The following ANXA8 variants were observed in gnomAD, a reference collection of about 807,000 sequenced individuals.
The protein encoded by ANXA8 is annexin A8, also known as VAC-beta.
Under a neutral mutation model 26.8 loss-of-function variants are expected in ANXA8, and 9 were observed. That is an observed-to-expected ratio of 0.34 (90% CI 0.20 to 0.59). The LOEUF is 0.59. ANXA8 is among the 20% of genes least tolerant of loss of function. ANXA8 has a pLI of 0.84. For synonymous variants in ANXA8, 39 were observed against 94.8 expected, an observed-to-expected ratio of 0.41 and a Z score of 3.42; for missense variants, 83 against 238.5, an observed-to-expected ratio of 0.35 and a Z score of 4.29.
chr10:47,982,834 A>ATATATATATATATATATATATAT, the ANXA8 span, among the ~76,000 whole-genome samples: 9 of 67,598 alleles, frequency 1.3e-4, no homozygotes, highest in Non-Finnish European at 2.2e-4. Context: ...ATATATATAT[A>ATATATATATATATATATATATAT]AAATTTGATA....
At chr10:47,627,315 G>C in the ANXA8 span, among the ~76,000 whole-genome samples, 426 of 150,288 alleles carry the variant, frequency 2.8e-3, 45 homozygotes, top group African/African-American at 1.0e-2. Flanking sequence ...TGGCTACTTA[G>C]TCTTTCTGGC....
At chr10:47,939,116 G>A in the ANXA8 span, among the ~76,000 whole-genome samples, 3 of 145,514 alleles carry the variant, frequency 2.1e-5, no homozygotes, top group Admixed American at 1.4e-4. Flanking sequence ...TGCTGAAACT[G>A]CTCTGCATAA....
chr10:47,610,797 A>G, the ANXA8 span, among the ~76,000 whole-genome samples: 1 of 134,110 alleles, frequency 7.5e-6, no homozygotes, highest in African/African-American at 2.8e-5. Context: ...TCCTTTTCTT[A>G]GAGTTGCAAG....
At chr10:47,775,327 T>C in the ANXA8 span, among the ~76,000 whole-genome samples, 1 of 148,234 alleles carries the variant, frequency 6.7e-6, no homozygotes, top group Non-Finnish European at 1.5e-5. Context: ...GAGCCGAGAT[T>C]GCGCCACTGC....
the ANXA8 span, among the ~76,000 whole-genome samples, chr10:47,578,126 G>A: frequency 1.7e-5 from 1 of 60,072 alleles, no homozygotes; most frequent in African/African-American, 5.2e-5. Context: ...GACCAGCCTG[G>A]CCAATATGGT....
At chr10:47,750,865 C>T in the ANXA8 span, 3 of 151,806 alleles carry the variant, frequency 2.0e-5, no homozygotes, top group Non-Finnish European at 4.4e-5. Flanking sequence ...CAAAAGTGTA[C>T]ACACCCTGCT....
At chr10:47,569,763 T>TGTTTTGTTTTGTTTTGTTTTG in the ANXA8 span, 25 of 76,668 alleles carry the variant, frequency 3.3e-4, no homozygotes, top group Middle Eastern at 2.7e-3. Flanking sequence ...TTTTTTTTTT[T>TGTTTTGTTTTGTTTTGTTTTG]TTTTTGAGAC....
In ANXA8 at chr10:47,476,471, G is replaced by C; in HGVS notation, c.322-149C>G. The C allele has an allele frequency of 9.4e-6, 12 of 1,275,428 alleles. No homozygotes were observed. In the South Asian group the frequency reaches 1.7e-4, roughly 18 times the overall value. 79.0% of individuals were successfully genotyped at this position (1,275,428 alleles called of 1,614,324 possible). On this transcript the variant is annotated intron_variant, in intron 4 of 11. Transcript: ENST00000585281. ...GGAGGATGTGATGAGAAAATCACAT[G>C]CTTCAGTGATGAACATTGAGGGCAA...
At chr10:47,652,269 G>A in the ANXA8 span, among the ~76,000 whole-genome samples, 5 of 151,666 alleles carry the variant, frequency 3.3e-5, no homozygotes, top group Non-Finnish European at 1.5e-5. Context: ...CTTTGAAATG[G>A]TAAATTGTAT....
At chr10:47,682,127 GTGT>G in the ANXA8 span, among the ~76,000 whole-genome samples, 2 of 145,632 alleles carry the variant, frequency 1.4e-5, no homozygotes, top group Non-Finnish European at 3.0e-5. Context: ...AGTCTCAAAT[GTGT>G]ATCATAGTTT....
chr10:47,742,848 G>C, the ANXA8 span, among the ~76,000 whole-genome samples: 1 of 140,114 alleles, frequency 7.1e-6, no homozygotes, highest in Non-Finnish European at 1.6e-5. Flanking sequence ...ATTCTCCCCT[G>C]AATTGACTTA....
chr10:47,480,909 G>A (rs1167468506), intron 1 of ANXA8, among the ~76,000 whole-genome samples: 1 of 117,520 alleles, frequency 8.5e-6, no homozygotes, highest in African/African-American at 3.4e-5. Flanking sequence ...TCCATCCATC[G>A]AAGCCCTGGG....
the ANXA8 span, among the ~76,000 whole-genome samples, chr10:47,733,297 T>TTCTTTC: frequency 5.6e-3 from 396 of 71,028 alleles, 6 homozygotes; most frequent in East Asian, 0.014. Flanking sequence ...CTTTCTTTCT[T>TTCTTTC]TTTTTTCTTT....
At chr10:47,602,866 T>TTTGC in the ANXA8 span, among the ~76,000 whole-genome samples, 7 of 13,450 alleles carry the variant, frequency 5.2e-4, no homozygotes, top group African/African-American at 3.4e-3. Context: ...TTGCTGTTTG[T>TTTGC]TTGCTTGCTT....
At chr10:47,763,251 G>A in the ANXA8 span, 1 of 985,616 alleles carries the variant, frequency 1.0e-6, no homozygotes, top group Admixed American at 6.1e-5. Context: ...CGGCGCTCGC[G>A]CACCCGTTCG....
At chr10:47,637,405 A>T in the ANXA8 span, among the ~76,000 whole-genome samples, 3 of 150,136 alleles carry the variant, frequency 2.0e-5, no homozygotes, top group Admixed American at 1.3e-4. Context: ...AATGGCAGCC[A>T]ATCTCTGTAG....
chr10:47,670,545 TA>T, the ANXA8 span, among the ~76,000 whole-genome samples: 5 of 152,204 alleles, frequency 3.3e-5, no homozygotes, highest in South Asian at 2.1e-4. Context: ...AAAAACTTTT[TA>T]TTATAGTCAT....
chr10:47,768,454 A>G, the ANXA8 span, among the ~76,000 whole-genome samples: 1 of 151,222 alleles, frequency 6.6e-6, no homozygotes, highest in Non-Finnish European at 1.5e-5. Flanking sequence ...TAAGACGCAG[A>G]TTTCCAAAGG....
At chr10:47,747,800 G>A in the ANXA8 span, among the ~76,000 whole-genome samples, 4 of 151,636 alleles carry the variant, frequency 2.6e-5, no homozygotes, top group Admixed American at 1.3e-4. Context: ...GACTTGATGG[G>A]TGGAATAGAG....
Sources: gnomAD v4.1 joint callset for allele counts (sites outside exome capture counted in the v4.1 genomes callset) on GRCh38, gnomAD v4.1.1 for gene constraint, MANE v1.5 for transcripts, NCBI Gene and HGNC (gene_info 2026-07-23, HGNC 2026-07-21) for gene names.